TRIM36: variants seen among roughly 807,000 people sequenced by gnomAD.
The protein encoded by TRIM36 is tripartite motif containing 36, also known as E3 ubiquitin-protein ligase TRIM36.
A neutral mutation model predicts 72.4 loss-of-function variants in TRIM36; 42 were observed. The observed-to-expected ratio is 0.58, with a 90% CI of 0.45 to 0.75. TRIM36 has a LOEUF of 0.75. Ranked by LOEUF, TRIM36 falls within the 30% of genes least tolerant of loss-of-function variation. The probability of loss-of-function intolerance (pLI) is 0.00; values close to 1 mark genes in which losing one functional copy is unlikely to be tolerated. For missense variants in TRIM36, 913 were observed against 857.1 expected, an observed-to-expected ratio of 1.07 and a Z score of -0.81; for synonymous variants, 315 against 282.8, an observed-to-expected ratio of 1.11 and a Z score of -1.14.
intron 7 of TRIM36, among the ~76,000 whole-genome samples, chr5:115,134,780 T>C (rs985478575): frequency 6.6e-6 from 1 of 152,230 alleles, no homozygotes; most frequent in Non-Finnish European, 1.5e-5. Context: ...GACCTCATGA[T>C]CTGCCTGCCT....
rs569106464 is a variant in TRIM36 at position 115,126,527 on chromosome 5, A to G, written c.2127T>C (p.Tyr709=). Residue 709 remains tyrosine (Y), a synonymous_variant, in exon 10 of 10, where the codon TAT becomes TAC. Transcript: ENST00000513154. The part of the protein sequence containing the change: ...IQLEEPITAK[Y]LEYQEDM ...ACTACATGTCCTCTTGGTATTCCAG[A>G]TATTTTGCTGTGATGGGTTCTTCAA... 2.5e-6 allele frequency: 4 copies of G among 1,608,530 alleles called. No homozygotes were observed. The South Asian group carries it at 4.4e-5, about 18-fold the overall frequency.
chr5:115,130,467 A>G, intron 9 of TRIM36, 125 bp downstream of exon 9: 1 of 1,110,874 alleles, frequency 9.0e-7, no homozygotes, highest in Non-Finnish European at 1.2e-6. Context: ...TTCTCAATCA[A>G]GCCACAGCCA....
intron 2 of TRIM36, among the ~76,000 whole-genome samples, chr5:115,157,747 C>G (rs1754257907): frequency 6.6e-6 from 1 of 152,026 alleles, no homozygotes; most frequent in Non-Finnish European, 1.5e-5. Flanking sequence ...TGAGAAGAAA[C>G]TGTGGTATAT....
Position 115,144,616 on chromosome 5 carries a change from A to T in TRIM36, c.717T>A (p.Ser239Arg). The T allele has an allele frequency of 6.2e-7, 1 of 1,613,798 alleles. No individual in the cohort carries two copies. Among genetic ancestry groups the T allele is most frequent in the Non-Finnish European group, 8.5e-7 (1 of 1,179,978 alleles). Residue 239 changes from serine to arginine, a missense_variant, in exon 4 of 10, where the codon AGT (serine) becomes AGA (arginine). Physicochemically the swap from Ser to Arg is moderately radical, Grantham distance 110. Coordinates refer to ENST00000513154, the MANE Select transcript of TRIM36 (RefSeq NM_001300759.2). Reference sequence around the variant, plus strand: ...GTCCTACCTTTAAGGTTTTGTAGGCACTGCTCATAGTGGTTACACGGTGGT... The same window carrying T: ...GTCCTACCTTTAAGGTTTTGTAGGCTCTGCTCATAGTGGTTACACGGTGGT... ...HANHRVTTMS[S>R]AYKTLKEKLS...
At position 115,152,092 on chromosome 5, in the gene TRIM36, A is replaced by T. The variant is rs73251544; in HGVS notation, c.263-4698T>A. On this transcript the variant is annotated intron_variant, in intron 2 of 9. Transcript: ENST00000513154. ...AATCGAGGAGACACCAGAAAAAGGCAAAGACCGATGTAAGGCAATCCAAAA... is the reference window on the plus strand; with the variant it reads ...AATCGAGGAGACACCAGAAAAAGGCTAAGACCGATGTAAGGCAATCCAAAA... Among the ~76,000 whole-genome samples the T allele has an allele frequency of 4.1e-3, 630 of 152,344 alleles. 2 individuals carry two copies. The highest frequency in any genetic ancestry group is 0.014 in the African/African-American group (602 of 41,576).
chr5:115,151,269 C>A (rs969215809), intron 2 of TRIM36, among the ~76,000 whole-genome samples: 1 of 152,150 alleles, frequency 6.6e-6, no homozygotes, highest in Non-Finnish European at 1.5e-5. Context: ...TCCTTCACTT[C>A]GCTGACAACC....
intron 1 of TRIM36, among the ~76,000 whole-genome samples, chr5:115,166,536 A>G (rs1044191759): frequency 2.6e-5 from 4 of 152,194 alleles, no homozygotes; most frequent in South Asian, 4.1e-4. Flanking sequence ...CTTTTGCTCA[A>G]TAAAGCACCT....
intron 9 of TRIM36, among the ~76,000 whole-genome samples, chr5:115,128,615 G>A (rs1294852955): frequency 6.7e-5 from 10 of 148,178 alleles, no homozygotes; most frequent in East Asian, 3.9e-4. Flanking sequence ...AGCCGGGCGC[G>A]GTGGCGGGCG....
At chr5:115,174,587 T>A (rs981328807), upstream of TRIM36, among the ~76,000 whole-genome samples, 1 of 151,700 alleles carries the variant, frequency 6.6e-6, no homozygotes, top group Non-Finnish European at 1.5e-5. Flanking sequence ...GGGAGAGGAG[T>A]CCAGAGAGCC....
chr5:115,177,794 C>T (rs1291830945), intron 1 of TRIM36: 8 of 1,613,992 alleles, frequency 5.0e-6, no homozygotes, highest in Admixed American at 3.3e-5. Context: ...TCAGAGATTT[C>T]AAAGGGACAG....
chr5:115,180,258 C>A, upstream of TRIM36: 1 of 481,634 alleles, frequency 2.1e-6, no homozygotes. Context: ...TGCTAGGATC[C>A]GGGTGCAGCG....
chr5:115,135,499 T>C (rs904159134), intron 7 of TRIM36, among the ~76,000 whole-genome samples: 4 of 151,170 alleles, frequency 2.6e-5, no homozygotes, highest in Non-Finnish European at 5.9e-5. Flanking sequence ...AAAATGCATG[T>C]AGCAAAAAAT....
intron 8 of TRIM36, among the ~76,000 whole-genome samples, chr5:115,131,588 A>G (rs1310424435): frequency 6.6e-6 from 1 of 152,234 alleles, no homozygotes; most frequent in African/African-American, 2.4e-5. Context: ...ACAGATGAGT[A>G]AAGAAAATGT....
At position 115,126,699 on chromosome 5, in the gene TRIM36, G is replaced by C; in HGVS notation, c.1955C>G (p.Thr652Arg). 6.2e-7 allele frequency: 1 copy of C among 1,614,166 alleles called. No individual in the cohort carries two copies. The highest frequency in any genetic ancestry group is 8.5e-7 in the Non-Finnish European group (1 of 1,180,030). Reference protein sequence around the residue: ...EPENRVLPMPTSIGIFLDCDK... With the variant: ...EPENRVLPMPRSIGIFLDCDK... ...ACAGTCAAGGAAAATCCCAATACTT[G>C]TTGGCATAGGGAGAACTCTATTTTC... is the stretch of plus-strand genomic sequence containing the variant. Residue 652 changes from threonine to arginine, a missense_variant, in exon 10 of 10, where the codon ACA becomes AGA. Thr to Arg is a moderately conservative substitution (Grantham distance 71). Coordinates refer to ENST00000513154, the MANE Select transcript of TRIM36 (RefSeq NM_001300759.2).
intron 5 of TRIM36, among the ~76,000 whole-genome samples, chr5:115,137,834 T>C (rs1753044829): frequency 1.3e-5 from 2 of 152,222 alleles, no homozygotes; most frequent in African/African-American, 2.4e-5. Context: ...CAAATACACT[T>C]AGCAAAGAAC....
chr5:115,163,420 C>G, intron 2 of TRIM36, 98 bp downstream of exon 2: 2 of 1,042,206 alleles, frequency 1.9e-6, no homozygotes, highest in East Asian at 2.5e-5. Context: ...AAAATTAACT[C>G]TCAAGATGAC....
upstream of TRIM36, among the ~76,000 whole-genome samples, chr5:115,170,676 C>T (rs77362509): frequency 2.0e-3 from 308 of 152,372 alleles, 4 homozygotes; most frequent in East Asian, 0.051. Flanking sequence ...CACGTTCTTG[C>T]CCAGTAGCGC....
At chr5:115,171,342 T>C, upstream of TRIM36, 2 of 1,395,258 alleles carry the variant, frequency 1.4e-6, no homozygotes, top group Non-Finnish European at 1.9e-6. Context: ...TAATAATGCC[T>C]GGGCTGTTCT....
At chr5:115,138,242 G>C (rs931441821) in intron 5 of TRIM36, among the ~76,000 whole-genome samples, 4 of 152,118 alleles carry the variant, frequency 2.6e-5, no homozygotes, top group African/African-American at 9.7e-5. Context: ...TGGGACTACA[G>C]GCACATGCCA....
Sources: allele counts gnomAD v4.1 joint callset (sites outside exome capture counted in the v4.1 genomes callset), GRCh38; gene constraint gnomAD v4.1.1; transcripts MANE v1.5; gene names NCBI Gene and HGNC (gene_info 2026-07-23, HGNC 2026-07-21).